The following FBLN7 variants were observed in gnomAD, a reference collection of about 807,000 sequenced individuals.
FBLN7 encodes the protein fibulin 7, also known as fibulin-7.
In FBLN7, 31 loss-of-function variants were observed where a neutral mutation model predicts 44.0. The ratio of observed to expected loss-of-function variants is 0.70; its 90% CI spans 0.53 to 0.95. The LOEUF (loss-of-function observed/expected upper bound fraction) is 0.95, where lower values mean the gene tolerates loss of function less well. Ranked by LOEUF, FBLN7 falls within the 40% of genes least tolerant of loss-of-function variation. The pLI is 0.00. For missense variants in FBLN7, 573 were observed against 618.5 expected, an observed-to-expected ratio of 0.93 and a Z score of 0.78; for synonymous variants, 262 against 253.4, an observed-to-expected ratio of 1.03 and a Z score of -0.32.
Position 112,159,847 on chromosome 2 carries a change from C to G in FBLN7, c.235+12C>G. The G allele has an allele frequency of 6.6e-7, 1 of 1,518,180 alleles. No individual in the cohort carries two copies. Among genetic ancestry groups the G allele is most frequent in the Non-Finnish European group, 8.8e-7 (1 of 1,133,974 alleles). 94.0% of individuals were successfully genotyped at this position (1,518,180 alleles called of 1,614,324 possible). The stretch of plus-strand genomic sequence containing the variant: ...AGATGCCCTTCCAGGTGGGTCCCCA[C>G]GTCGGCACCGCTGGGGCGGCAGCGC... On this transcript the variant is annotated intron_variant, in intron 2 of 7. Coordinates refer to ENST00000331203, the MANE Select transcript of FBLN7 (RefSeq NM_153214.3).
chr2:112,183,221 C>A (rs1683090348), intron 6 of FBLN7, among the ~76,000 whole-genome samples: 1 of 152,212 alleles, frequency 6.6e-6, no homozygotes, highest in African/African-American at 2.4e-5. Context: ...CTCAACAATT[C>A]CTTCAGCTAG....
At chr2:112,157,162 G>A (rs934868665) in intron 1 of FBLN7, among the ~76,000 whole-genome samples, 15 of 152,186 alleles carry the variant, frequency 9.9e-5, no homozygotes, top group Admixed American at 9.2e-4. Context: ...CTGAAGTCAG[G>A]AGTTCGAGAC....
the FBLN7 span, among the ~76,000 whole-genome samples, chr2:112,202,204 G>A: frequency 6.6e-6 from 1 of 152,134 alleles, no homozygotes; most frequent in African/African-American, 2.4e-5. Context: ...CCTGCTAACA[G>A]TCATGTGCAC....
chr2:112,145,108 C>T (rs964564176), intron 1 of FBLN7, among the ~76,000 whole-genome samples: 2 of 152,138 alleles, frequency 1.3e-5, no homozygotes, highest in South Asian at 4.1e-4. Context: ...TTAGAGTTCT[C>T]GGGTTGATTT....
At chr2:112,153,389 G>T (rs544241975) in intron 1 of FBLN7, 1 of 152,286 alleles carries the variant, frequency 6.6e-6, no homozygotes, top group East Asian at 1.9e-4. Flanking sequence ...CAAGTCTAGG[G>T]GTCATCCGTG....
chr2:112,226,314 C>T, the FBLN7 span, among the ~76,000 whole-genome samples: 122 of 151,500 alleles, frequency 8.1e-4, 1 homozygote, highest in Middle Eastern at 0.031. Flanking sequence ...AGCGGCTGGG[C>T]GCGGTAGCTC....
chr2:112,183,010 G>C, intron 6 of FBLN7, 82 bp downstream of exon 6: 1 of 1,552,332 alleles, frequency 6.4e-7, no homozygotes, highest in East Asian at 2.3e-5. Flanking sequence ...TCGGGAGTGA[G>C]GTGGTTAGGA....
chr2:112,152,662 C>T (rs1339416143), intron 1 of FBLN7: 1 of 152,144 alleles, frequency 6.6e-6, no homozygotes, highest in Non-Finnish European at 1.5e-5. Flanking sequence ...GGCCCTCATG[C>T]AAAAGACTGA....
At chr2:112,191,134 G>A (rs1683474821), downstream of FBLN7, among the ~76,000 whole-genome samples, 1 of 151,916 alleles carries the variant, frequency 6.6e-6, no homozygotes, top group Non-Finnish European at 1.5e-5. Context: ...ATGCCATTAT[G>A]CCCAGCAAAT....
chr2:112,210,655 C>CAAAAAA, the FBLN7 span, among the ~76,000 whole-genome samples: 1 of 69,730 alleles, frequency 1.4e-5, no homozygotes, highest in Non-Finnish European at 2.5e-5. Context: ...GACTCTGTCT[C>CAAAAAA]AAAAAAAAAA....
intron 3 of FBLN7, among the ~76,000 whole-genome samples, chr2:112,171,004 AGAT>A (rs1682428747): frequency 6.6e-6 from 1 of 152,158 alleles, no homozygotes; most frequent in Non-Finnish European, 1.5e-5. Flanking sequence ...TCATTTACAG[AGAT>A]GATGAAGACT....
the FBLN7 span, among the ~76,000 whole-genome samples, chr2:112,219,671 A>G: frequency 6.6e-6 from 1 of 151,208 alleles, no homozygotes; most frequent in African/African-American, 2.4e-5. Context: ...TAATTTGCTG[A>G]GGATTATTTT....
In FBLN7 at chr2:112,150,913, G is replaced by A. The variant is rs1681126547; in HGVS notation, c.76-8763G>A. Among the ~76,000 whole-genome samples, 4 of 152,208 alleles carry A rather than the reference G, an allele frequency of 2.6e-5. No homozygotes were observed. The South Asian group carries it at 6.2e-4, about 24-fold the overall frequency. ...AGACAAATTAGAAAAGTATCAGAGGGCCAACGATTGCCTAAGCGGGGTGCT... is the reference window on the plus strand; with the variant it reads ...AGACAAATTAGAAAAGTATCAGAGGACCAACGATTGCCTAAGCGGGGTGCT... On this transcript the variant is annotated intron_variant, in intron 1 of 7. Transcript: ENST00000331203.
intron 2 of FBLN7, among the ~76,000 whole-genome samples, chr2:112,160,722 G>GCACACGCACGCACACGCACA (rs1558879818): frequency 1.9e-5 from 2 of 106,038 alleles, no homozygotes; most frequent in Admixed American, 1.9e-4. Context: ...ACAAGCACGC[G>GCACACGCACGCACACGCACA]CACACGCACG....
downstream of FBLN7, among the ~76,000 whole-genome samples, chr2:112,192,547 T>A (rs1431910433): frequency 6.6e-6 from 1 of 152,236 alleles, no homozygotes; most frequent in African/African-American, 2.4e-5. Flanking sequence ...GGATGGGTTT[T>A]AAAAATCACT....
chr2:112,160,782 G>A (rs1323439774), intron 2 of FBLN7, among the ~76,000 whole-genome samples: 10 of 131,392 alleles, frequency 7.6e-5, no homozygotes, highest in Non-Finnish European at 1.1e-4. Context: ...AGACGCACAC[G>A]CACGCACACG....
chr2:112,200,350 G>A, the FBLN7 span, among the ~76,000 whole-genome samples: 2 of 152,284 alleles, frequency 1.3e-5, no homozygotes, highest in South Asian at 2.1e-4. Context: ...TCGTGGGAAT[G>A]TCACATAAGG....
At chr2:112,180,922 C>CAAAA (rs60214148) in intron 4 of FBLN7, among the ~76,000 whole-genome samples, 6 of 74,318 alleles carry the variant, frequency 8.1e-5, no homozygotes, top group Non-Finnish European at 1.5e-4. Flanking sequence ...GACTCTGTCT[C>CAAAA]AAAAAAAAAA....
At chr2:112,237,529 T>C in the FBLN7 span, among the ~76,000 whole-genome samples, 2 of 151,952 alleles carry the variant, frequency 1.3e-5, no homozygotes, top group Non-Finnish European at 2.9e-5. Context: ...GCAATACAGA[T>C]CCATTTTAAG....
Sources: allele counts gnomAD v4.1 joint callset (sites outside exome capture counted in the v4.1 genomes callset), GRCh38; gene constraint gnomAD v4.1.1; transcripts MANE v1.5; gene names NCBI Gene and HGNC (gene_info 2026-07-23, HGNC 2026-07-21).